Variants in CTNNBL1 observed in about 807,000 individuals in gnomAD.
CTNNBL1 encodes beta-catenin-like protein 1.
CTNNBL1 carries 31 observed loss-of-function variants against 72.7 expected under a neutral mutation model. That is an observed-to-expected ratio of 0.43 (90% CI 0.32 to 0.58). The LOEUF is 0.58. Ranked by LOEUF, CTNNBL1 falls within the 20% of genes least tolerant of loss-of-function variation. The probability of loss-of-function intolerance (pLI) is 0.08; values close to 1 mark genes in which losing one functional copy is unlikely to be tolerated. For synonymous variants in CTNNBL1, 240 were observed against 267.3 expected, an observed-to-expected ratio of 0.90 and a Z score of 1.00; for missense variants, 534 against 725.1, an observed-to-expected ratio of 0.74 and a Z score of 3.03.
rs532119447 is a variant in CTNNBL1 at position 37,724,079 on chromosome 20, G to A, written c.31-8800G>A. Among the ~76,000 whole-genome samples, 9 of 152,300 alleles carry A rather than the reference G, an allele frequency of 5.9e-5. No individual in the cohort carries two copies. The South Asian group carries it at 1.7e-3, about 28-fold the overall frequency. The stretch of plus-strand genomic sequence containing the variant: ...AAACTCCCTTTTATTCTGACAAAAG[G>A]TAATAAGAAGAGGTTAACAGCAGAT... On this transcript the variant is annotated intron_variant, in intron 1 of 15. Coordinates refer to ENST00000361383, the MANE Select transcript of CTNNBL1 (RefSeq NM_030877.5).
At chr20:37,743,487 T>C (rs1375096461) in intron 3 of CTNNBL1, among the ~76,000 whole-genome samples, 1 of 152,148 alleles carries the variant, frequency 6.6e-6, no homozygotes, top group Non-Finnish European at 1.5e-5. Context: ...AAAATAGTTA[T>C]GAAATTTACT....
chr20:37,851,927 A>G (rs1299966383), intron 13 of CTNNBL1, among the ~76,000 whole-genome samples: 1 of 152,218 alleles, frequency 6.6e-6, no homozygotes, highest in Non-Finnish European at 1.5e-5. Context: ...ACTGAAACCC[A>G]ATGGTAGTCA....
chr20:37,737,259 A>T lies in CTNNBL1; in HGVS notation c.220-119A>T, dbSNP rs1568757411. ...ACAAAACAAAAAAAGTGTACTGTAC[A>T]TTGAACCCAGAAAGGTCAATGGCAG... On this transcript the variant is annotated intron_variant, in intron 2 of 15. Coordinates refer to ENST00000361383, the MANE Select transcript of CTNNBL1 (RefSeq NM_030877.5). The T allele has an allele frequency of 1.4e-5, 10 of 724,384 alleles. No homozygotes were observed. The East Asian group carries it at 2.5e-4, about 18-fold the overall frequency. The allele number at this position is 724,384 out of a possible 1,614,324, so 44.9% of individuals were successfully genotyped here.
At chr20:37,724,938 G>T (rs1312859006) in intron 1 of CTNNBL1, among the ~76,000 whole-genome samples, 2 of 148,032 alleles carry the variant, frequency 1.4e-5, no homozygotes, top group African/African-American at 5.0e-5. Context: ...TTGAGACAGG[G>T]TCTCTCTGTG....
intron 1 of CTNNBL1, among the ~76,000 whole-genome samples, chr20:37,705,297 A>T (rs189329709): frequency 7.9e-5 from 12 of 152,340 alleles, no homozygotes; most frequent in African/African-American, 2.9e-4. Flanking sequence ...CTTTAAAAAA[A>T]TTTCTGCTTT....
chr20:37,700,469 C>T (rs780609230), intron 1 of CTNNBL1, among the ~76,000 whole-genome samples: 3 of 152,130 alleles, frequency 2.0e-5, no homozygotes, highest in Admixed American at 6.6e-5. Context: ...AGGCACTAAG[C>T]GCCTCAGTAT....
At chr20:37,751,248 C>G (rs1419399664) in intron 4 of CTNNBL1, 2 of 151,896 alleles carry the variant, frequency 1.3e-5, no homozygotes, top group Non-Finnish European at 2.9e-5. Flanking sequence ...CCAATTTATT[C>G]AAAGTCAGCT....
In CTNNBL1 at chr20:37,777,692, G is replaced by A; in HGVS notation, c.862G>A (p.Val288Met). Residue 288 changes from valine (V) to methionine (M), a missense_variant, in exon 9 of 16, where the codon GTG (valine) becomes ATG (methionine). Coordinates refer to ENST00000361383, the MANE Select transcript of CTNNBL1 (RefSeq NM_030877.5). Reference protein sequence around the residue: ...ELLGELDGIDVLLQQLSVFKR... With the variant: ...ELLGELDGIDMLLQQLSVFKR... Reference sequence around the variant, plus strand: ...GCTTGGGGAGCTGGATGGAATCGATGTGCTTCTTCAGCAGTTATCCGTGAG... The same window carrying A: ...GCTTGGGGAGCTGGATGGAATCGATATGCTTCTTCAGCAGTTATCCGTGAG... 6.2e-7 allele frequency: 1 copy of A among 1,613,738 alleles called. No individual in the cohort carries two copies. Among genetic ancestry groups the A allele is most frequent in the Non-Finnish European group, 8.5e-7 (1 of 1,179,754 alleles).
rs140913448 is a variant in CTNNBL1, at chr20:37,856,753, CACTT to C, written c.1393-3143_1393-3140del. Among the ~76,000 whole-genome samples, 23 of 152,310 alleles carry C rather than the reference CACTT, an allele frequency of 1.5e-4. No individual in the cohort carries two copies. The East Asian group carries it at 4.2e-3, about 28-fold the overall frequency. On this transcript the variant is annotated intron_variant, in intron 13 of 15. Transcript: ENST00000361383. ...TCACCCAACCCCAATCAGCACCTAT[CACTT>C]ACAATTTTTTTAACATGTGGGCACA... is the stretch of plus-strand genomic sequence containing the variant.
chr20:37,717,143 CTT>C (rs2072992833), intron 1 of CTNNBL1, among the ~76,000 whole-genome samples: 1 of 149,522 alleles, frequency 6.7e-6, no homozygotes, highest in Admixed American at 6.6e-5. Flanking sequence ...AGTATACACT[CTT>C]TTCCCCCAGC....
intron 1 of CTNNBL1, among the ~76,000 whole-genome samples, chr20:37,716,660 A>G (rs1229050702): frequency 6.6e-6 from 1 of 152,220 alleles, no homozygotes; most frequent in African/African-American, 2.4e-5. Context: ...GGACCCATCA[A>G]CAGGCATGTT....
intron 15 of CTNNBL1, among the ~76,000 whole-genome samples, chr20:37,867,600 G>A (rs1023188866): frequency 7.2e-5 from 11 of 152,076 alleles, no homozygotes; most frequent in South Asian, 2.1e-4. Context: ...CGTGTATGCC[G>A]TCTTTCTCAC....
intron 1 of CTNNBL1, among the ~76,000 whole-genome samples, chr20:37,700,053 G>A (rs775497237): frequency 2.0e-5 from 3 of 152,122 alleles, no homozygotes; most frequent in Non-Finnish European, 4.4e-5. Context: ...TTTAGACCGG[G>A]GCTCCAGAGA....
At chr20:37,774,566 T>A (rs1164006582) in intron 7 of CTNNBL1, among the ~76,000 whole-genome samples, 2 of 152,262 alleles carry the variant, frequency 1.3e-5, no homozygotes, top group African/African-American at 2.4e-5. Context: ...GTCTGGTTTT[T>A]AAAAACTTAC....
intron 10 of CTNNBL1, among the ~76,000 whole-genome samples, chr20:37,783,634 G>C (rs2073646114): frequency 6.6e-6 from 1 of 152,072 alleles, no homozygotes; most frequent in Admixed American, 6.6e-5. Context: ...TTATTCAAGA[G>C]CATATTGTTT....
In CTNNBL1 at chr20:37,779,247, G is replaced by A; in HGVS notation, c.943G>A (p.Asp315Asn). The A allele has an allele frequency of 1.2e-6, 2 of 1,613,752 alleles. No homozygotes were observed. The highest frequency in any genetic ancestry group is 3.3e-4 in the Middle Eastern group (2 of 6,062). Residue 315 changes from aspartate to asparagine, a missense_variant, in exon 10 of 16, where the codon GAT becomes AAT. By Grantham distance (23) the Asp-to-Asn change is conservative (BLOSUM62 1). Coordinates refer to ENST00000361383, the MANE Select transcript of CTNNBL1 (RefSeq NM_030877.5). ...GCAGGAGATGATGGAGAATCTGTTT[G>A]ATTCCCTCTGCTCCTGTCTAATGCT... is the stretch of plus-strand genomic sequence containing the variant. The part of the protein sequence containing the change: ...EEQEMMENLF[D>N]SLCSCLMLSS...
intron 2 of CTNNBL1, among the ~76,000 whole-genome samples, chr20:37,733,498 A>G (rs745789973): frequency 6.6e-6 from 1 of 152,196 alleles, no homozygotes; most frequent in Non-Finnish European, 1.5e-5. Context: ...GTGACTGCAA[A>G]AGTACAGCTT....
At chr20:37,870,584 C>T (rs925195555) in intron 15 of CTNNBL1, among the ~76,000 whole-genome samples, 11 of 152,176 alleles carry the variant, frequency 7.2e-5, no homozygotes, top group African/African-American at 1.4e-4. Context: ...CTGAAGACGT[C>T]GCCTCACCTC....
intron 1 of CTNNBL1, among the ~76,000 whole-genome samples, chr20:37,718,169 TCCCAGTAGGGGCGGCCGGGCAGAGGCGC>T (rs2073004944): frequency 6.6e-6 from 1 of 151,248 alleles, no homozygotes. Context: ...GCTCCTGACT[TCCCAGTAGGGGCGGCCGGGCAGAGGCGC>T]CCCTCACCTC....
Sources: allele counts gnomAD v4.1 joint callset (sites outside exome capture counted in the v4.1 genomes callset), GRCh38; gene constraint gnomAD v4.1.1; transcripts MANE v1.5; gene names NCBI Gene and HGNC (gene_info 2026-07-23, HGNC 2026-07-21).